CSMD1: variants seen among roughly 807,000 people sequenced by gnomAD.
CSMD1 encodes CUB and sushi domain-containing protein 1.
In CSMD1, 213 loss-of-function variants were observed where a neutral mutation model predicts 417.5. That is an observed-to-expected ratio of 0.51 (90% CI 0.46 to 0.57). The LOEUF (loss-of-function observed/expected upper bound fraction) is 0.57. CSMD1 is among the 20% of genes least tolerant of loss of function. The pLI, the probability that CSMD1 is intolerant of heterozygous loss-of-function variation, is 0.00. For synonymous variants in CSMD1, 2,862 were observed against 1,736.8 expected (o/e 1.65, Z -16.11); for missense variants, 6,923 against 4,529.7 (o/e 1.53, Z -15.17).
intron 3 of CSMD1, among the ~76,000 whole-genome samples, chr8:4,327,057 C>G (rs1476191510): frequency 6.6e-6 from 1 of 152,182 alleles, no homozygotes; most frequent in African/African-American, 2.4e-5. Context: ...ACTCAGAAGA[C>G]GACTTCAAAT....
At chr8:3,666,580 T>G (rs1217402427) in intron 7 of CSMD1, among the ~76,000 whole-genome samples, 2 of 152,112 alleles carry the variant, frequency 1.3e-5, no homozygotes, top group African/African-American at 4.8e-5. Flanking sequence ...AATCTCATCT[T>G]GAATTGTAGC....
In CSMD1 at chr8:3,040,070, T is replaced by C. The variant is rs189887571; in HGVS notation, c.7661-10557A>G. 3.9e-3 allele frequency among the ~76,000 whole-genome samples: 592 copies of C among 152,274 alleles called. 3 individuals are homozygous for C. Among genetic ancestry groups the C allele is most frequent in the Non-Finnish European group, 6.5e-3 (444 of 68,004 alleles). The stretch of plus-strand genomic sequence containing the variant: ...TGAAAAGGAGTCTCCTATGGATTGG[T>C]CCAGAAGGCTCTCCTCTCTCTCACC... On this transcript the variant is annotated intron_variant, in intron 50 of 69. Transcript: ENST00000635120.
At chr8:3,756,814 G>C (rs1377179843) in intron 5 of CSMD1, among the ~76,000 whole-genome samples, 7 of 142,464 alleles carry the variant, frequency 4.9e-5, no homozygotes, top group South Asian at 4.6e-4. Context: ...TTTTTTTCTT[G>C]AGACAGTGTC....
chr8:3,832,761 G>A lies in CSMD1; in HGVS notation c.819-78719C>T, dbSNP rs980099732. 2.0e-5 allele frequency among the ~76,000 whole-genome samples: 3 copies of A among 152,080 alleles called. No homozygotes were observed. The East Asian group carries it at 5.8e-4, about 29-fold the overall frequency. Reference sequence around the variant, plus strand: ...ACTTCTGATAACTAAAATATGATCAGATTTTTAACTTTCCATCTGATCCAG... The same window carrying A: ...ACTTCTGATAACTAAAATATGATCAAATTTTTAACTTTCCATCTGATCCAG... On this transcript the variant is annotated intron_variant, in intron 5 of 69. Transcript: ENST00000635120.
At chr8:4,569,547 TC>T (rs1248422666) in intron 2 of CSMD1, among the ~76,000 whole-genome samples, 1 of 152,116 alleles carries the variant, frequency 6.6e-6, no homozygotes, top group African/African-American at 2.4e-5. Context: ...GTTACTCTTG[TC>T]TTGTAATATA....
At chr8:4,226,352 A>T (rs1407928294) in intron 3 of CSMD1, among the ~76,000 whole-genome samples, 1 of 152,238 alleles carries the variant, frequency 6.6e-6, no homozygotes, top group East Asian at 1.9e-4. Flanking sequence ...AAATGTATTT[A>T]TCTGACATAC....
intron 3 of CSMD1, among the ~76,000 whole-genome samples, chr8:4,351,366 G>A (rs149945322): frequency 0.012 from 1,762 of 152,236 alleles, 37 homozygotes; most frequent in African/African-American, 0.041. Flanking sequence ...CTCCTTATTC[G>A]TCTTGTTCTC....
chr8:4,203,182 C>A (rs575107809), intron 3 of CSMD1, among the ~76,000 whole-genome samples: 13 of 152,268 alleles, frequency 8.5e-5, no homozygotes, highest in African/African-American at 2.9e-4. Flanking sequence ...TTTAAAAAAT[C>A]GTCAGTGAGA....
intron 53 of CSMD1, among the ~76,000 whole-genome samples, chr8:2,998,421 GCTTT>G (rs1453586423): frequency 6.6e-6 from 1 of 152,064 alleles, no homozygotes; most frequent in Non-Finnish European, 1.5e-5. Context: ...TGCCAAACAC[GCTTT>G]CTTTACCATC....
At chr8:3,428,142 T>C (rs909413281) in intron 12 of CSMD1, among the ~76,000 whole-genome samples, 7 of 152,220 alleles carry the variant, frequency 4.6e-5, no homozygotes, top group Non-Finnish European at 8.8e-5. Flanking sequence ...AATTATTATA[T>C]AGGTTTTAGA....
intron 12 of CSMD1, among the ~76,000 whole-genome samples, chr8:3,425,937 C>T (rs780179435): frequency 8.5e-5 from 13 of 152,052 alleles, no homozygotes; most frequent in Non-Finnish European, 1.0e-4. Flanking sequence ...TTGTATTTCC[C>T]ACTAGAATAA....
intron 39 of CSMD1, among the ~76,000 whole-genome samples, chr8:3,154,824 A>C (rs1056801537): frequency 1.8e-4 from 28 of 152,278 alleles, no homozygotes; most frequent in African/African-American, 6.7e-4. Flanking sequence ...ATTTTTCAAA[A>C]TTAGGTCATG....
At chr8:3,889,981 G>T (rs779230644) in intron 5 of CSMD1, among the ~76,000 whole-genome samples, 63 of 152,070 alleles carry the variant, frequency 4.1e-4, no homozygotes, top group Admixed American at 3.3e-4. Context: ...CCAGGAGCTC[G>T]AGACAACCCT....
intron 1 of CSMD1, among the ~76,000 whole-genome samples, chr8:4,727,824 G>C (rs1476808999): frequency 1.3e-5 from 2 of 148,690 alleles, no homozygotes; most frequent in Non-Finnish European, 3.0e-5. Context: ...TATATGTTTG[G>C]GATATATATA....
chr8:4,179,582 T>C (rs901625825), intron 3 of CSMD1, among the ~76,000 whole-genome samples: 3 of 151,396 alleles, frequency 2.0e-5, no homozygotes, highest in Admixed American at 2.0e-4. Context: ...ACAAATGGAA[T>C]CTAATTAAAC....
intron 26 of CSMD1, among the ~76,000 whole-genome samples, chr8:3,253,900 A>T (rs535871318): frequency 7.9e-5 from 12 of 152,262 alleles, no homozygotes; most frequent in South Asian, 2.1e-4. Context: ...GTTATGTGTG[A>T]ATTTGATCCT....
chr8:3,268,754 C>G (rs746967876), intron 26 of CSMD1, among the ~76,000 whole-genome samples: 1 of 152,104 alleles, frequency 6.6e-6, no homozygotes, highest in Non-Finnish European at 1.5e-5. Flanking sequence ...CTCTGCCTAC[C>G]TACTCCTGTG....
At chr8:3,800,918 C>G (rs1017240332) in intron 5 of CSMD1, among the ~76,000 whole-genome samples, 1 of 152,096 alleles carries the variant, frequency 6.6e-6, no homozygotes, top group Non-Finnish European at 1.5e-5. Flanking sequence ...AAATAAACCT[C>G]TTTCTTTATA....
At chr8:3,294,058 G>T (rs1285496983) in intron 25 of CSMD1, among the ~76,000 whole-genome samples, 1 of 152,200 alleles carries the variant, frequency 6.6e-6, no homozygotes, top group African/African-American at 2.4e-5. Context: ...AGGACCCTCA[G>T]CTGCACATCT....
Sources: gnomAD v4.1 joint callset for allele counts (sites outside exome capture counted in the v4.1 genomes callset) on GRCh38, gnomAD v4.1.1 for gene constraint, MANE v1.5 for transcripts, NCBI Gene and HGNC (gene_info 2026-07-23, HGNC 2026-07-21) for gene names.